Variants in NEGR1 observed in about 807,000 individuals in gnomAD.
NEGR1 encodes the protein neuronal growth regulator 1, also known as IgLON family member 4.
In NEGR1, 10 loss-of-function variants were observed where a neutral mutation model predicts 40.9. That is an observed-to-expected ratio of 0.24 (90% CI 0.15 to 0.42). The LOEUF is 0.42. NEGR1 is among the 10% of genes least tolerant of loss of function. The pLI is 1.00. For missense variants in NEGR1, 352 were observed against 438.9 expected (o/e 0.80, Z 1.77); for synonymous variants, 185 against 166.8 (o/e 1.11, Z -0.84).
At chr1:71,597,378 T>C (rs1649745803) in intron 5 of NEGR1, among the ~76,000 whole-genome samples, 2 of 146,184 alleles carry the variant, frequency 1.4e-5, no homozygotes, top group Admixed American at 7.0e-5. Context: ...CCACAACACA[T>C]CCTATAATGC....
chr1:72,041,703 A>G (rs1010341925), intron 1 of NEGR1, among the ~76,000 whole-genome samples: 4 of 149,480 alleles, frequency 2.7e-5, no homozygotes, highest in Non-Finnish European at 4.4e-5. Context: ...TTTATGTTGA[A>G]AAGACTAGAT....
At chr1:71,756,431 A>C (rs1655746148) in intron 3 of NEGR1, among the ~76,000 whole-genome samples, 1 of 151,578 alleles carries the variant, frequency 6.6e-6, no homozygotes, top group Non-Finnish European at 1.5e-5. Context: ...AAACCAAAAA[A>C]AACCACATCA....
intron 1 of NEGR1, among the ~76,000 whole-genome samples, chr1:72,179,136 G>A (rs1256910194): frequency 6.6e-6 from 1 of 151,868 alleles, no homozygotes; most frequent in East Asian, 1.9e-4. Context: ...TATAGTGAGA[G>A]GTTTTACATT....
At chr1:71,472,569 A>T (rs569876765) in intron 6 of NEGR1, 161 of 152,266 alleles carry the variant, frequency 1.1e-3, no homozygotes, top group African/African-American at 3.8e-3. Context: ...CTACAGCTCC[A>T]TTATCTTTCC....
At chr1:71,634,357 G>A (rs1651071189) in intron 4 of NEGR1, among the ~76,000 whole-genome samples, 1 of 152,086 alleles carries the variant, frequency 6.6e-6, no homozygotes, top group African/African-American at 2.4e-5. Context: ...GGCCAACCAT[G>A]GCCAAATGCA....
intron 2 of NEGR1, among the ~76,000 whole-genome samples, chr1:71,830,176 G>A (rs1192573904): frequency 6.6e-6 from 1 of 151,932 alleles, no homozygotes; most frequent in African/African-American, 2.4e-5. Context: ...CTGGGGCAGG[G>A]ATGGTAAAGT....
rs368430775 is a variant in NEGR1, at chr1:71,871,754, TG to T, written c.409+63324del. On this transcript the variant is annotated intron_variant, in intron 2 of 6. Transcript: ENST00000357731. ...AGTTTTTATTGAGGCACAGATATAT[TG>T]TTTTTTTATTTGTTTCAGAAGAAAC... Among the ~76,000 whole-genome samples the T allele has an allele frequency of 1.9e-3, 297 of 152,322 alleles. 1 individual carries two copies. Among genetic ancestry groups the T allele is most frequent in the Middle Eastern group, 0.017 (5 of 294 alleles).
intron 1 of NEGR1, among the ~76,000 whole-genome samples, chr1:72,131,742 C>G (rs1650258992): frequency 6.6e-6 from 1 of 152,146 alleles, no homozygotes; most frequent in African/African-American, 2.4e-5. Flanking sequence ...TATGCATTTA[C>G]AGGTTATGTC....
chr1:72,189,784 A>G (rs921409083), intron 1 of NEGR1, among the ~76,000 whole-genome samples: 67 of 151,538 alleles, frequency 4.4e-4, no homozygotes, highest in African/African-American at 1.5e-3. Flanking sequence ...ACACAATAAG[A>G]CAACTGGTAT....
intron 6 of NEGR1, among the ~76,000 whole-genome samples, chr1:71,581,126 T>C (rs1330124917): frequency 1.3e-5 from 2 of 152,190 alleles, no homozygotes; most frequent in Non-Finnish European, 2.9e-5. Context: ...TGTGTCTGTA[T>C]TGTAGAAATA....
intron 3 of NEGR1, among the ~76,000 whole-genome samples, chr1:71,719,559 T>G (rs1296261037): frequency 1.3e-5 from 2 of 152,094 alleles, no homozygotes; most frequent in Non-Finnish European, 2.9e-5. Context: ...TAGAGAGACC[T>G]TCCATGGTCA....
chr1:71,689,788 A>C (rs980427213), intron 4 of NEGR1, among the ~76,000 whole-genome samples: 31 of 151,352 alleles, frequency 2.0e-4, no homozygotes, highest in African/African-American at 5.8e-4. Flanking sequence ...AGTCACAAAT[A>C]AATTAACATT....
At chr1:71,934,943 C>G (rs765051515) in intron 2 of NEGR1, 136 bp downstream of exon 2, 29 of 633,446 alleles carry the variant, frequency 4.6e-5, no homozygotes, top group Non-Finnish European at 7.5e-5. Context: ...AAAACTATGA[C>G]AATATAATTC....
intron 4 of NEGR1, among the ~76,000 whole-genome samples, chr1:71,649,251 A>T (rs1651629944): frequency 2.0e-5 from 3 of 152,128 alleles, no homozygotes; most frequent in African/African-American, 7.2e-5. Flanking sequence ...TGAGAGTATA[A>T]CTTTAAACCA....
rs145677519 is a variant in NEGR1 at position 71,968,265 on chromosome 1, C to G, written c.177-32954G>C. 3.2e-4 allele frequency among the ~76,000 whole-genome samples: 49 copies of G among 152,214 alleles called. No individual in the cohort carries two copies. In the East Asian group the frequency reaches 9.1e-3, roughly 28 times the overall value. ...AGACACAACCAGCAAGACACAGTAC[C>G]CTGCCAATGTGCATAAAGATGATTT... is the stretch of plus-strand genomic sequence containing the variant. On this transcript the variant is annotated intron_variant, in intron 1 of 6. Transcript: ENST00000357731.
At chr1:71,636,343 T>C (rs1395462629) in intron 4 of NEGR1, among the ~76,000 whole-genome samples, 2 of 152,132 alleles carry the variant, frequency 1.3e-5, no homozygotes, top group East Asian at 3.9e-4. Flanking sequence ...CTTCCTCATC[T>C]TTATTAAACC....
At chr1:72,217,232 A>T (rs141023958) in intron 1 of NEGR1, among the ~76,000 whole-genome samples, 1 of 151,854 alleles carries the variant, frequency 6.6e-6, no homozygotes, top group Non-Finnish European at 1.5e-5. Context: ...AACAGAATAA[A>T]TTGTTAGGTG....
intron 6 of NEGR1, among the ~76,000 whole-genome samples, chr1:71,588,515 TA>T (rs1649384262): frequency 6.6e-6 from 1 of 152,166 alleles, no homozygotes; most frequent in African/African-American, 2.4e-5. Flanking sequence ...CATTGTATAC[TA>T]GCTTTCCTGT....
intron 4 of NEGR1, among the ~76,000 whole-genome samples, chr1:71,620,316 G>A (rs1419517134): frequency 6.6e-6 from 1 of 151,958 alleles, no homozygotes; most frequent in African/African-American, 2.4e-5. Flanking sequence ...TAAGCATGTT[G>A]ACCTTAGTCT....
Sources: gnomAD v4.1 joint callset for allele counts (sites outside exome capture counted in the v4.1 genomes callset) on GRCh38, gnomAD v4.1.1 for gene constraint, MANE v1.5 for transcripts, NCBI Gene and HGNC (gene_info 2026-07-23, HGNC 2026-07-21) for gene names.